Variants in MYH10 observed in about 807,000 individuals in gnomAD.
MYH10 encodes the protein myosin heavy chain 10.
In MYH10, 55 loss-of-function variants were observed where a neutral mutation model predicts 257.8. That is an observed-to-expected ratio of 0.21 (90% CI 0.17 to 0.27). The LOEUF (loss-of-function observed/expected upper bound fraction) is 0.27. MYH10 is among the 10% of genes least tolerant of loss of function. MYH10 has a pLI of 1.00. For synonymous variants in MYH10, 854 were observed against 921.7 expected (o/e 0.93, Z 1.33); for missense variants, 1,631 against 2,500.6 (o/e 0.65, Z 7.42).
Position 8,582,605 on chromosome 17 carries a change from C to T in MYH10, c.531-5267G>A, listed in dbSNP as rs560036084. Among the ~76,000 whole-genome samples the T allele has an allele frequency of 4.6e-5, 7 of 152,350 alleles. No individual in the cohort carries two copies. The South Asian group carries it at 6.2e-4, about 14-fold the overall frequency. On this transcript the variant is annotated intron_variant, in intron 4 of 42. Transcript: ENST00000360416. ...TGTCCTGCATCTGTTGAAGCACATT[C>T]GGACACAAAAGATCAGGAGTTTCTA...
intron 4 of MYH10, among the ~76,000 whole-genome samples, chr17:8,584,885 C>A (rs997310436): frequency 6.6e-6 from 1 of 151,698 alleles, no homozygotes; most frequent in Non-Finnish European, 1.5e-5. Context: ...CTCTTATTGC[C>A]CAGGCTGGAG....
At position 8,477,005 on chromosome 17, in the gene MYH10, A is replaced by T; in HGVS notation, c.5750T>A (p.Leu1917Gln). 1 of 1,614,128 alleles carries T rather than the reference A, an allele frequency of 6.2e-7. No individual in the cohort carries two copies. Among genetic ancestry groups the T allele is most frequent in the East Asian group, 2.2e-5 (1 of 44,874 alleles). Reference sequence around the variant, plus strand: ...CGTCGCTTCTTCTTCTGCTTCCTCCAGCTGGCGTTTAAGCTGCTTCATCCG... The same window carrying T: ...CGTCGCTTCTTCTTCTGCTTCCTCCTGCTGGCGTTTAAGCTGCTTCATCCG... ...NARMKQLKRQLEEAEEEATRA... is the reference protein window; with the variant it reads ...NARMKQLKRQQEEAEEEATRA... The change falls in exon 42 of 43, where the codon CTG becomes CAG. Residue 1917 changes from leucine to glutamine, a missense_variant. Leu to Gln is a moderately radical substitution (Grantham distance 113). Coordinates refer to ENST00000360416, the MANE Select transcript of MYH10 (RefSeq NM_001256012.3). This position sits in a 1 kb window ranked among gnomAD's most constrained non-coding sequence, Gnocchi z 4.2.
chr17:8,501,831 CT>C (rs2080906570), intron 28 of MYH10, among the ~76,000 whole-genome samples: 1 of 152,164 alleles, frequency 6.6e-6, no homozygotes, highest in South Asian at 2.1e-4. Context: ...CATTAAATAT[CT>C]TTCCATGGCT....
chr17:8,627,659 T>C (rs762433374), intron 1 of MYH10, among the ~76,000 whole-genome samples: 1 of 152,212 alleles, frequency 6.6e-6, no homozygotes, highest in Non-Finnish European at 1.5e-5. Context: ...CATAATACAT[T>C]GGTACCCAAT....
At chr17:8,479,232 G>GA (rs1190071825) in intron 40 of MYH10, among the ~76,000 whole-genome samples, 17 of 146,122 alleles carry the variant, frequency 1.2e-4, no homozygotes, top group South Asian at 6.7e-4. Context: ...AGCTCACATT[G>GA]AAAAAAAACC....
intron 31 of MYH10, among the ~76,000 whole-genome samples, chr17:8,494,596 A>C (rs1179926165): frequency 6.6e-6 from 1 of 152,084 alleles, no homozygotes; most frequent in African/African-American, 2.4e-5. Flanking sequence ...ATAAACACTC[A>C]TAAGTGTTTG....
intron 38 of MYH10, chr17:8,480,759 C>T (rs6503121): frequency 0.97 from 553,878 of 572,658 alleles, 270,127 homozygotes; most frequent in East Asian, 1. Context: ...ACCTGGACTG[C>T]TGGGTGGCCT....
chr17:8,604,693 A>G, intron 3 of MYH10, 133 bp downstream of exon 3: 1 of 624,954 alleles, frequency 1.6e-6, no homozygotes, highest in Non-Finnish European at 2.4e-6. Context: ...CAATTTTTCT[A>G]CAATAAACAT....
In MYH10 at chr17:8,530,754, A is replaced by G. The variant is rs572306767; in HGVS notation, c.1895-69T>C. ...ACAAACACTTCAGTTAGTGTGAAAG[A>G]CATTTGACAGCACAAGTCAACTTTG... is the stretch of plus-strand genomic sequence containing the variant. On this transcript the variant is annotated intron_variant, in intron 16 of 42. Coordinates refer to ENST00000360416, the MANE Select transcript of MYH10 (RefSeq NM_001256012.3). The G allele has an allele frequency of 9.2e-6, 11 of 1,195,150 alleles. No individual in the cohort carries two copies. In the Admixed American group the frequency reaches 1.9e-4, roughly 20 times the overall value. The allele number at this position is 1,195,150 out of a possible 1,614,324, so 74.0% of individuals were successfully genotyped here. A position where few individuals can be genotyped will look rare whatever the true frequency, so the allele number is the denominator to read the frequency against.
intron 28 of MYH10, among the ~76,000 whole-genome samples, chr17:8,502,542 C>CTTCTCTT (rs2080930150): frequency 1.3e-5 from 2 of 151,232 alleles, no homozygotes; most frequent in Non-Finnish European, 2.9e-5. Flanking sequence ...TCAAAGGAAA[C>CTTCTCTT]CTTCATCTTC....
Position 8,623,086 on chromosome 17 carries a change from C to A in MYH10, c.161G>T (p.Arg54Leu). Residue 54 changes from arginine (R) to leucine (L), a missense_variant, in exon 2 of 43, where the codon CGG becomes CTG. Coordinates refer to ENST00000360416, the MANE Select transcript of MYH10 (RefSeq NM_001256012.3). Reference protein sequence around the residue: ...GFEAASIKEERGDEVMVELAE... With the variant: ...GFEAASIKEELGDEVMVELAE... ...CAACTCCACCATAACTTCATCTCCC[C>A]GTTCTTCTTTGATACTAGCTGCCTC... 2 of 1,614,102 alleles carry A rather than the reference C, an allele frequency of 1.2e-6. No individual in the cohort carries two copies. The highest frequency in any genetic ancestry group is 1.7e-6 in the Non-Finnish European group (2 of 1,180,030).
intron 2 of MYH10, 42 bp from the exon 3 acceptor site, chr17:8,605,024 G>A: frequency 9.1e-7 from 1 of 1,104,634 alleles, no homozygotes; most frequent in Non-Finnish European, 1.2e-6. Flanking sequence ...AAAAACCTCT[G>A]CATTTATCAA....
intron 4 of MYH10, 56 bp downstream of exon 4, chr17:8,589,025 T>C (rs2084020358): frequency 6.4e-7 from 1 of 1,562,178 alleles, no homozygotes; most frequent in South Asian, 1.1e-5. Context: ...ACAAAAATAG[T>C]TGCTCCACTT....
rs1567814378 is a variant in MYH10, at chr17:8,506,282, T to TG, written c.3386+35dup. On this transcript the variant is annotated intron_variant, in intron 27 of 42. Coordinates refer to ENST00000360416, the MANE Select transcript of MYH10 (RefSeq NM_001256012.3). The surrounding 1 kb of genome is among the most constrained non-coding windows in gnomAD (Gnocchi z 5.0). ...CAAAGTCTGCTGAAACTCAGCCCCA[T>TG]GGGCTCCCGTGCAGCGCAGCTGCTG... The TG allele has an allele frequency of 5.9e-6, 9 of 1,535,054 alleles. No individual in the cohort carries two copies. Among genetic ancestry groups the TG allele is most frequent in the Non-Finnish European group, 7.8e-6 (9 of 1,150,194 alleles).
intron 2 of MYH10, among the ~76,000 whole-genome samples, chr17:8,621,645 A>T (rs1273015389): frequency 1.3e-5 from 2 of 152,202 alleles, no homozygotes; most frequent in Non-Finnish European, 2.9e-5. Context: ...ATTCTCCTCA[A>T]GCCACCGTTC....
At chr17:8,560,120 A>G (rs2082937238) in intron 7 of MYH10, among the ~76,000 whole-genome samples, 2 of 152,214 alleles carry the variant, frequency 1.3e-5, no homozygotes, top group African/African-American at 4.8e-5. Context: ...TTTCACCAAC[A>G]TGTATGTTTA....
intron 2 of MYH10, among the ~76,000 whole-genome samples, chr17:8,612,890 T>C (rs996414006): frequency 3.3e-5 from 5 of 151,942 alleles, no homozygotes; most frequent in African/African-American, 9.7e-5. Flanking sequence ...TATGTATGTA[T>C]AGGAAAAAAC....
At chr17:8,536,897 G>C (rs879848718) in intron 14 of MYH10, among the ~76,000 whole-genome samples, 3 of 152,048 alleles carry the variant, frequency 2.0e-5, no homozygotes, top group African/African-American at 4.8e-5. Flanking sequence ...ACCACTAATG[G>C]GTATGAGGTT....
intron 3 of MYH10, among the ~76,000 whole-genome samples, chr17:8,599,710 T>C (rs368685262): frequency 2.0e-5 from 3 of 152,166 alleles, no homozygotes; most frequent in East Asian, 3.9e-4. Flanking sequence ...CTTTAGCTAA[T>C]AGGGAAAATT....
Sources: allele counts gnomAD v4.1 joint callset (sites outside exome capture counted in the v4.1 genomes callset), GRCh38; gene constraint gnomAD v4.1.1; non-coding constraint Gnocchi (gnomAD v3.1); transcripts MANE v1.5; gene names NCBI Gene and HGNC (gene_info 2026-07-23, HGNC 2026-07-21).